CLASP1: variants seen among roughly 807,000 people sequenced by gnomAD.
CLASP1 encodes the protein CLIP-associating protein 1.
A neutral mutation model predicts 192.3 loss-of-function variants in CLASP1; 38 were observed. The observed-to-expected ratio is 0.20, with a 90% CI of 0.15 to 0.26. The LOEUF is 0.26. CLASP1 is among the 10% of genes least tolerant of loss of function. The probability of loss-of-function intolerance (pLI) is 1.00; values close to 1 mark genes in which losing one functional copy is unlikely to be tolerated. For missense variants in CLASP1, 1,433 were observed against 1,932.5 expected, an observed-to-expected ratio of 0.74 and a Z score of 4.85; for synonymous variants, 691 against 712.8, an observed-to-expected ratio of 0.97 and a Z score of 0.49.
At chr2:121,404,776 A>G (rs1355176319) in intron 25 of CLASP1, among the ~76,000 whole-genome samples, 1 of 152,244 alleles carries the variant, frequency 6.6e-6, no homozygotes. Context: ...GGAAACTAAG[A>G]CTGAGTGATT....
chr2:121,648,277 G>A (rs372484891), intron 1 of CLASP1, among the ~76,000 whole-genome samples: 3 of 152,118 alleles, frequency 2.0e-5, no homozygotes, highest in African/African-American at 4.8e-5. Flanking sequence ...GGTACATGGC[G>A]GCATGAAACT....
intron 1 of CLASP1, among the ~76,000 whole-genome samples, chr2:121,621,276 C>T (rs1225610343): frequency 6.6e-6 from 1 of 151,978 alleles, no homozygotes; most frequent in Non-Finnish European, 1.5e-5. Flanking sequence ...TGAAGATTTA[C>T]AACCATGTTT....
At chr2:121,504,703 T>C (rs959727859) in intron 7 of CLASP1, among the ~76,000 whole-genome samples, 1 of 152,152 alleles carries the variant, frequency 6.6e-6, no homozygotes, top group Non-Finnish European at 1.5e-5. Context: ...AGGACAAAAT[T>C]ACACATCAGC....
intron 6 of CLASP1, among the ~76,000 whole-genome samples, chr2:121,521,055 C>T (rs894120821): frequency 6.6e-6 from 1 of 152,102 alleles, no homozygotes; most frequent in Non-Finnish European, 1.5e-5. Context: ...TGAACACTGG[C>T]TGGGTATCTG....
chr2:121,444,919 C>A (rs372413650), intron 19 of CLASP1: 1 of 1,351,670 alleles, frequency 7.4e-7, no homozygotes, highest in Non-Finnish European at 9.9e-7. Flanking sequence ...ACACCTCAAT[C>A]ACAGAAACAA....
chr2:121,351,704 C>A (rs1436811924), intron 37 of CLASP1, among the ~76,000 whole-genome samples: 2 of 152,214 alleles, frequency 1.3e-5, no homozygotes, highest in Non-Finnish European at 2.9e-5. Flanking sequence ...GGGGCCTACA[C>A]TGGGATTATG....
intron 14 of CLASP1, among the ~76,000 whole-genome samples, chr2:121,454,625 T>C (rs570073314): frequency 2.0e-5 from 3 of 152,230 alleles, no homozygotes; most frequent in African/African-American, 7.2e-5. Flanking sequence ...CTGTGCTGCA[T>C]GGTTGGACAA....
At chr2:121,453,581 T>A (rs1306888638) in intron 14 of CLASP1, among the ~76,000 whole-genome samples, 11 of 152,136 alleles carry the variant, frequency 7.2e-5, no homozygotes, top group African/African-American at 2.7e-4. Context: ...CAATCCCCAA[T>A]CTAGACCATG....
chr2:121,492,457 G>A (rs140205832), intron 8 of CLASP1, among the ~76,000 whole-genome samples: 7 of 146,782 alleles, frequency 4.8e-5, no homozygotes, highest in South Asian at 2.2e-4. Flanking sequence ...TTTACAAATC[G>A]TATCTGCAAA....
chr2:121,435,851 G>A (rs551044441), intron 19 of CLASP1, among the ~76,000 whole-genome samples: 1 of 152,158 alleles, frequency 6.6e-6, no homozygotes, highest in South Asian at 2.1e-4. Context: ...TTCTCTCAAT[G>A]GTAACATCTT....
intron 1 of CLASP1, 124 bp from the exon 2 acceptor site, chr2:121,606,304 G>A (rs753836933): frequency 2.8e-5 from 8 of 289,956 alleles, no homozygotes; most frequent in Non-Finnish European, 5.1e-5. Flanking sequence ...CAAGCAGAGC[G>A]AGAAGCATGA....
intron 24 of CLASP1, among the ~76,000 whole-genome samples, chr2:121,408,413 C>G (rs1264960917): frequency 6.6e-6 from 1 of 152,180 alleles, no homozygotes; most frequent in African/African-American, 2.4e-5. Context: ...GACTATAATA[C>G]CCACTTTATT....
chr2:121,416,020 T>C (rs2078508350), intron 23 of CLASP1, among the ~76,000 whole-genome samples: 1 of 152,200 alleles, frequency 6.6e-6, no homozygotes, highest in Non-Finnish European at 1.5e-5. Flanking sequence ...AATAAGGAAG[T>C]TGGTAAAATA....
intron 2 of CLASP1, among the ~76,000 whole-genome samples, chr2:121,539,696 C>T (rs937610758): frequency 7.2e-6 from 1 of 138,440 alleles, no homozygotes; most frequent in African/African-American, 3.4e-5. Flanking sequence ...AGTCAAGTCA[C>T]GCTAGAAGAA....
chr2:121,363,701 A>G (rs148863386), intron 36 of CLASP1, among the ~76,000 whole-genome samples: 1 of 150,254 alleles, frequency 6.7e-6, no homozygotes, highest in East Asian at 2.0e-4. Flanking sequence ...ATGTGTATAA[A>G]GCACCTGGAT....
intron 7 of CLASP1, among the ~76,000 whole-genome samples, chr2:121,510,474 C>A (rs1198809298): frequency 6.6e-6 from 1 of 152,164 alleles, no homozygotes; most frequent in East Asian, 1.9e-4. Context: ...GAGACCCAAG[C>A]TACCAAAACT....
chr2:121,397,386 T>C lies in CLASP1; in HGVS notation c.2980-103A>G, dbSNP rs567634095. On this transcript the variant is annotated intron_variant, in intron 29 of 39. Transcript: ENST00000263710. ...AAAGTAAACCCTGGTGAGGGGGATC[T>C]CCTTCCTTTCTCCTGTATCGATAGT... The C allele has an allele frequency of 2.9e-5, 27 of 933,588 alleles. No homozygotes were observed. The South Asian group carries it at 3.3e-4, about 12-fold the overall frequency. The allele number at this position is 933,588 out of a possible 1,614,324, so 57.8% of individuals were successfully genotyped here.
intron 2 of CLASP1, among the ~76,000 whole-genome samples, chr2:121,582,217 G>A (rs1010654636): frequency 4.6e-5 from 7 of 151,252 alleles, no homozygotes; most frequent in African/African-American, 7.3e-5. Context: ...AAGAAAAAGG[G>A]AAGTGAGGGA....
chr2:121,398,557 T>C (rs1225745721), intron 28 of CLASP1, among the ~76,000 whole-genome samples, 157 bp from the exon 30 acceptor site: 2 of 152,252 alleles, frequency 1.3e-5, no homozygotes, highest in African/African-American at 4.8e-5. Flanking sequence ...GAGTAATACA[T>C]GTTATACAGA....
Sources: allele counts gnomAD v4.1 joint callset (sites outside exome capture counted in the v4.1 genomes callset), GRCh38; gene constraint gnomAD v4.1.1; transcripts MANE v1.5; gene names NCBI Gene and HGNC (gene_info 2026-07-23, HGNC 2026-07-21).